Variants in SLC30A8 observed in about 807,000 individuals in gnomAD.
The protein encoded by SLC30A8 is proton-coupled zinc antiporter SLC30A8.
Under a neutral mutation model 36.9 loss-of-function variants are expected in SLC30A8, and 27 were observed. The observed-to-expected ratio is 0.73, with a 90% CI of 0.54 to 1.01. The LOEUF is 1.01. SLC30A8 is among the 50% of genes least tolerant of loss of function. SLC30A8 has a pLI of 0.00. For missense variants in SLC30A8, 439 were observed against 452.0 expected, an observed-to-expected ratio of 0.97 and a Z score of 0.26; for synonymous variants, 164 against 172.4, an observed-to-expected ratio of 0.95 and a Z score of 0.38.
intron 1 of SLC30A8, among the ~76,000 whole-genome samples, chr8:116,983,539 T>C (rs1291411482): frequency 6.6e-6 from 1 of 152,186 alleles, no homozygotes; most frequent in East Asian, 1.9e-4. Flanking sequence ...ATATGTCTCA[T>C]GTACTTTTTT....
At chr8:117,153,132 C>T (rs754738995) in intron 3 of SLC30A8, 42 bp downstream of exon 3, 1 of 1,492,550 alleles carries the variant, frequency 6.7e-7, no homozygotes, top group Non-Finnish European at 9.0e-7. Flanking sequence ...GCTGGTGCTG[C>T]AAAGTCAAAC....
At chr8:117,000,060 G>T (rs1308506504) in intron 1 of SLC30A8, among the ~76,000 whole-genome samples, 1 of 152,168 alleles carries the variant, frequency 6.6e-6, no homozygotes, top group Non-Finnish European at 1.5e-5. Context: ...TACAGTAGAA[G>T]GAGAAAAAGG....
At chr8:116,968,131 T>G (rs1468609411) in intron 1 of SLC30A8, among the ~76,000 whole-genome samples, 1 of 152,180 alleles carries the variant, frequency 6.6e-6, no homozygotes, top group Non-Finnish European at 1.5e-5. Context: ...AACAAAGTAT[T>G]GTACTTGGCA....
intron 2 of SLC30A8, among the ~76,000 whole-genome samples, chr8:117,094,622 GGGT>G (rs1187835400): frequency 1.3e-5 from 2 of 151,332 alleles, no homozygotes; most frequent in African/African-American, 4.8e-5. Context: ...GAGTGGCCAT[GGGT>G]GGGCCTGGAA....
intron 1 of SLC30A8, among the ~76,000 whole-genome samples, chr8:116,951,493 C>A (rs1813989235): frequency 6.6e-6 from 1 of 152,104 alleles, no homozygotes; most frequent in South Asian, 2.1e-4. Context: ...TGTAGCACAT[C>A]CGATGTAAGT....
At chr8:117,088,480 T>A (rs7827401) in intron 2 of SLC30A8, among the ~76,000 whole-genome samples, 119 of 152,090 alleles carry the variant, frequency 7.8e-4, no homozygotes, top group African/African-American at 2.8e-3. Context: ...CGAGAGCTGC[T>A]ACTTCGTAAG....
intron 1 of SLC30A8, chr8:117,146,690 TTTGATATCTCTTAATAA>T (rs1292440741): frequency 4.0e-5 from 21 of 518,758 alleles, no homozygotes; most frequent in African/African-American, 5.7e-5. Context: ...CTCCTATTCC[TTTGATATCTCTTAATAA>T]TTGGTGGCAT....
At chr8:116,978,994 T>G (rs1265068220) in intron 1 of SLC30A8, among the ~76,000 whole-genome samples, 4 of 151,538 alleles carry the variant, frequency 2.6e-5, no homozygotes, top group South Asian at 4.2e-4. Context: ...CCCAGCACTT[T>G]GGAAGGCCGA....
chr8:117,163,858 G>GGCT (rs1395847498), intron 6 of SLC30A8: 1 of 177,180 alleles, frequency 5.6e-6, no homozygotes, highest in Non-Finnish European at 1.2e-5. Context: ...TTACCCCCCA[G>GGCT]GCTGCATTAG....
chr8:117,015,687 A>G (rs1193302442), intron 1 of SLC30A8, among the ~76,000 whole-genome samples: 1 of 152,082 alleles, frequency 6.6e-6, no homozygotes, highest in Non-Finnish European at 1.5e-5. Context: ...TCCTCATGAC[A>G]TCTGTCTTAG....
At chr8:116,986,898 T>G (rs1422823158) in intron 1 of SLC30A8, among the ~76,000 whole-genome samples, 1 of 152,194 alleles carries the variant, frequency 6.6e-6, no homozygotes, top group East Asian at 1.9e-4. Context: ...ATATCTTTAT[T>G]CTTCTTGCTT....
intron 2 of SLC30A8, among the ~76,000 whole-genome samples, chr8:117,109,920 G>A (rs898004865): frequency 2.0e-5 from 3 of 152,110 alleles, no homozygotes; most frequent in Non-Finnish European, 4.4e-5. Context: ...CAGAAGAGCC[G>A]GCTCAGCATT....
At chr8:117,105,916 G>A (rs951537742) in intron 2 of SLC30A8, among the ~76,000 whole-genome samples, 2 of 152,194 alleles carry the variant, frequency 1.3e-5, no homozygotes, top group Non-Finnish European at 2.9e-5. Flanking sequence ...AAATTGCAGA[G>A]AGCAGAGCTA....
intron 1 of SLC30A8, among the ~76,000 whole-genome samples, chr8:117,018,701 C>T (rs1304986435): frequency 8.7e-6 from 1 of 114,430 alleles, no homozygotes; most frequent in African/African-American, 3.3e-5. Context: ...GAGTCTTGTT[C>T]TGTTGCCCAG....
chr8:117,041,463 G>A (rs150412786), intron 2 of SLC30A8, among the ~76,000 whole-genome samples: 1,549 of 152,302 alleles, frequency 0.01, 23 homozygotes, highest in African/African-American at 0.035. Context: ...CAAGGCGGGT[G>A]GATAGCCTGA....
At chr8:117,056,430 A>G (rs371896574) in intron 2 of SLC30A8, among the ~76,000 whole-genome samples, 3 of 152,254 alleles carry the variant, frequency 2.0e-5, no homozygotes, top group East Asian at 3.9e-4. Context: ...CCTCGTCCCT[A>G]TTGTAAGGCA....
At chr8:117,082,668 C>G (rs1442560953) in intron 2 of SLC30A8, among the ~76,000 whole-genome samples, 1 of 152,118 alleles carries the variant, frequency 6.6e-6, no homozygotes, top group African/African-American at 2.4e-5. Flanking sequence ...GTTCAGGACT[C>G]TGAATCAACA....
intron 3 of SLC30A8, among the ~76,000 whole-genome samples, chr8:117,154,660 G>A (rs1822382026): frequency 6.6e-6 from 1 of 152,160 alleles, no homozygotes; most frequent in Admixed American, 6.5e-5. Flanking sequence ...GTTTTTGCTG[G>A]TGCTTGAACA....
rs374020357 is a variant in SLC30A8 at position 117,085,080 on chromosome 8, A to G, written c.-226+45822A>G. ...ACAGATAGGCACATAACAGAGAAAG[A>G]TAAATGGCTTTGGCTACAAAATCTT... On this transcript the variant is annotated intron_variant, in intron 2 of 10. Transcript: ENST00000427715. Among the ~76,000 whole-genome samples, 41 of 152,262 alleles carry G rather than the reference A, an allele frequency of 2.7e-4. No homozygotes were observed. The South Asian group carries it at 7.7e-3, about 28-fold the overall frequency.
Sources: gnomAD v4.1 joint callset for allele counts (sites outside exome capture counted in the v4.1 genomes callset) on GRCh38, gnomAD v4.1.1 for gene constraint, MANE v1.5 for transcripts, NCBI Gene and HGNC (gene_info 2026-07-23, HGNC 2026-07-21) for gene names.